CPE: variants seen among roughly 807,000 people sequenced by gnomAD.
CPE encodes carboxypeptidase E.
Under a neutral mutation model 53.5 loss-of-function variants are expected in CPE, and 17 were observed. That is an observed-to-expected ratio of 0.32 (90% CI 0.22 to 0.48). CPE has a LOEUF of 0.48. Among genes scored for constraint, CPE ranks in the 20% least tolerant of loss-of-function variants. The pLI is 0.99. For synonymous variants in CPE, 226 were observed against 228.8 expected (o/e 0.99, Z 0.11); for missense variants, 524 against 614.7 (o/e 0.85, Z 1.56).
At chr4:165,488,569 T>G (rs1026077797) in intron 6 of CPE, among the ~76,000 whole-genome samples, 3 of 152,332 alleles carry the variant, frequency 2.0e-5, no homozygotes, top group African/African-American at 7.2e-5. Flanking sequence ...TTATCCTGAA[T>G]GTGGCCATTT....
At chr4:165,464,254 A>T (rs745477174) in intron 1 of CPE, 136 bp from the exon 2 acceptor site, 66 of 680,806 alleles carry the variant, frequency 9.7e-5, no homozygotes, top group Admixed American at 1.6e-4. Context: ...TTTAATGTCT[A>T]CGGTAGATTT....
intron 1 of CPE, among the ~76,000 whole-genome samples, chr4:165,451,523 G>C (rs183630276): frequency 6.6e-6 from 1 of 151,464 alleles, no homozygotes; most frequent in Non-Finnish European, 1.5e-5. Context: ...ACAGAGTCTC[G>C]CTCCGTTGCC....
At chr4:165,456,804 C>T (rs1391674362) in intron 1 of CPE, among the ~76,000 whole-genome samples, 2 of 146,428 alleles carry the variant, frequency 1.4e-5, no homozygotes, top group Non-Finnish European at 3.0e-5. Flanking sequence ...TATAGTGGCA[C>T]GATCTTGGCT....
intron 1 of CPE, among the ~76,000 whole-genome samples, chr4:165,438,512 C>A (rs1171250191): frequency 6.6e-6 from 1 of 152,104 alleles, no homozygotes; most frequent in Non-Finnish European, 1.5e-5. Flanking sequence ...CATTGAGAAT[C>A]TCCTATATGA....
chr4:165,461,144 G>A (rs1208734727), intron 1 of CPE, among the ~76,000 whole-genome samples: 1 of 63,192 alleles, frequency 1.6e-5, no homozygotes, highest in Admixed American at 1.5e-4. Context: ...TCTAGCCTGG[G>A]TGACAGAGTG....
At position 165,497,565 on chromosome 4, in the gene CPE, A is replaced by G. The variant is rs549684148; in HGVS notation, c.1386A>G (p.Glu462=). The change falls in exon 9 of 9, where the codon GAA becomes GAG. Residue 462 remains glutamate, a synonymous_variant. Coordinates refer to ENST00000402744, the MANE Select transcript of CPE (RefSeq NM_001873.4). Reference sequence around the variant, plus strand: ...AAAGGAAAGAAGAGGAGAAGGAAGAATTGATGGAATGGTGGAAAATGATGT... The same window carrying G: ...AAAGGAAAGAAGAGGAGAAGGAAGAGTTGATGGAATGGTGGAAAATGATGT... ...FSERKEEEKE[E]LMEWWKMMSE... is the part of the protein sequence containing the mutation. The G allele has an allele frequency of 1.7e-4, 268 of 1,581,488 alleles. No homozygotes were observed. Among genetic ancestry groups the G allele is most frequent in the Non-Finnish European group, 2.8e-5 (33 of 1,166,772 alleles).
intron 1 of CPE, among the ~76,000 whole-genome samples, chr4:165,387,430 TCAAA>T (rs1730611808): frequency 6.6e-6 from 1 of 152,212 alleles, no homozygotes; most frequent in Non-Finnish European, 1.5e-5. Flanking sequence ...ACATTTCATT[TCAAA>T]CAAAGGCTCA....
intron 1 of CPE, among the ~76,000 whole-genome samples, chr4:165,449,653 GT>G (rs1482077871): frequency 1.3e-5 from 2 of 151,838 alleles, no homozygotes; most frequent in African/African-American, 4.8e-5. Context: ...AGCTGTTTAG[GT>G]TTTTGTTTAT....
chr4:165,403,922 G>C (rs1267301119), intron 1 of CPE: 2 of 488,498 alleles, frequency 4.1e-6, no homozygotes, highest in Non-Finnish European at 7.6e-6. Flanking sequence ...TTGGCTGAAG[G>C]CACTTTAATC....
chr4:165,450,039 G>A (rs1365347617), intron 1 of CPE, among the ~76,000 whole-genome samples: 1 of 152,102 alleles, frequency 6.6e-6, no homozygotes, highest in Non-Finnish European at 1.5e-5. Flanking sequence ...AGTAGATAAA[G>A]TTTACTTGGG....
intron 1 of CPE, among the ~76,000 whole-genome samples, chr4:165,412,403 AC>A (rs543813625): frequency 5.8e-4 from 88 of 152,360 alleles, no homozygotes; most frequent in African/African-American, 2.0e-3. Flanking sequence ...AGTACTACAT[AC>A]CAGGAAAAAT....
intron 1 of CPE, among the ~76,000 whole-genome samples, chr4:165,406,888 C>G (rs539268926): frequency 6.6e-6 from 1 of 152,204 alleles, no homozygotes; most frequent in Admixed American, 6.5e-5. Flanking sequence ...GTGGCCGACT[C>G]CTTTAACTTA....
At position 165,405,103 on chromosome 4, in the gene CPE, A is replaced by C; in HGVS notation, c.307+25575A>C. ...AGTTGCTGAAGATGGAATCCCTTTCAAATGACGTTAGAGCTTTCTTCTTTA... is the reference window on the plus strand; with the variant it reads ...AGTTGCTGAAGATGGAATCCCTTTCCAATGACGTTAGAGCTTTCTTCTTTA... On this transcript the variant is annotated intron_variant, in intron 1 of 8. Coordinates refer to ENST00000402744, the MANE Select transcript of CPE (RefSeq NM_001873.4). The C allele has an allele frequency of 4.1e-6, 3 of 737,978 alleles. No homozygotes were observed. The South Asian group carries it at 4.6e-5, about 11-fold the overall frequency. 45.7% of individuals were successfully genotyped at this position (737,978 alleles called of 1,614,324 possible).
intron 1 of CPE, among the ~76,000 whole-genome samples, chr4:165,453,881 A>G (rs940666299): frequency 1.3e-5 from 2 of 152,218 alleles, no homozygotes; most frequent in African/African-American, 4.8e-5. Flanking sequence ...TTCCACCTTC[A>G]CTAGTTTATA....
At chr4:165,485,790 G>T (rs1732496385) in intron 5 of CPE, among the ~76,000 whole-genome samples, 1 of 152,168 alleles carries the variant, frequency 6.6e-6, no homozygotes, top group Non-Finnish European at 1.5e-5. Flanking sequence ...GTCAAAGGAA[G>T]CTCCGTTAGT....
chr4:165,472,518 G>C (rs2126705502), intron 3 of CPE, among the ~76,000 whole-genome samples: 1 of 152,284 alleles, frequency 6.6e-6, no homozygotes, highest in East Asian at 1.9e-4. Flanking sequence ...TAGGAGCTTT[G>C]TATAATTTTG....
chr4:165,465,017 C>A (rs2126700843), intron 2 of CPE, among the ~76,000 whole-genome samples: 1 of 152,162 alleles, frequency 6.6e-6, no homozygotes, highest in Admixed American at 6.5e-5. Flanking sequence ...TACTTTTGGC[C>A]GGAATAATGT....
intron 1 of CPE, among the ~76,000 whole-genome samples, chr4:165,393,908 A>G (rs1157396682): frequency 6.6e-6 from 1 of 152,118 alleles, no homozygotes; most frequent in Non-Finnish European, 1.5e-5. Flanking sequence ...AGAAAATGTT[A>G]TTTTTCTTGG....
At chr4:165,489,842 G>A (rs922138269) in intron 6 of CPE, among the ~76,000 whole-genome samples, 4 of 152,192 alleles carry the variant, frequency 2.6e-5, no homozygotes, top group Non-Finnish European at 4.4e-5. Context: ...GAAGGTTAAA[G>A]TTATACAATC....
Sources: allele counts gnomAD v4.1 joint callset (sites outside exome capture counted in the v4.1 genomes callset), GRCh38; gene constraint gnomAD v4.1.1; transcripts MANE v1.5; gene names NCBI Gene and HGNC (gene_info 2026-07-23, HGNC 2026-07-21).